The following TSHZ2 variants were observed in gnomAD, a reference collection of about 807,000 sequenced individuals.
TSHZ2 encodes the protein teashirt homolog 2.
TSHZ2 carries 21 observed loss-of-function variants against 74.4 expected under a neutral mutation model. That is an observed-to-expected ratio of 0.28 (90% CI 0.20 to 0.41). The LOEUF (loss-of-function observed/expected upper bound fraction) is 0.41. TSHZ2 is among the 10% of genes least tolerant of loss of function. The pLI is 1.00. For synonymous variants in TSHZ2, 540 were observed against 515.3 expected, an observed-to-expected ratio of 1.05 and a Z score of -0.65; for missense variants, 1,244 against 1,293.5, an observed-to-expected ratio of 0.96 and a Z score of 0.59.
intron 2 of TSHZ2, among the ~76,000 whole-genome samples, chr20:53,420,340 A>G (rs959435102): frequency 2.0e-5 from 3 of 152,212 alleles, no homozygotes; most frequent in Non-Finnish European, 4.4e-5. Context: ...AGAGGAAAAC[A>G]GCAAAAGCAA....
rs1417791833 is a variant in TSHZ2 at position 53,255,911 on chromosome 20, C to G, written c.2453C>G (p.Pro818Arg). 6 of 1,614,148 alleles carry G rather than the reference C, an allele frequency of 3.7e-6. No individual in the cohort carries two copies. The East Asian group carries it at 1.1e-4, about 30-fold the overall frequency. Residue 818 changes from proline (P) to arginine (R), a missense_variant, in exon 2 of 3, where the codon CCC becomes CGC. Around this residue, in one of 6 missense-constraint regions of TSHZ2, gnomAD observed 562 missense variants for 544.0 expected, o/e 1.03. Transcript: ENST00000371497. This position sits in a 1 kb window ranked among gnomAD's most constrained non-coding sequence, Gnocchi z 4.1. ...CCAGCCTCCTCCTCCAGGGTCCCCCCCATGAAGCTGGAAATGGATGTCAGG... is the reference window on the plus strand; with the variant it reads ...CCAGCCTCCTCCTCCAGGGTCCCCCGCATGAAGCTGGAAATGGATGTCAGG... ...PKPASSSRVPPMKLEMDVRRF... is the reference protein window; with the variant it reads ...PKPASSSRVPRMKLEMDVRRF...
chr20:53,193,189 A>AG (rs2032721322), intron 1 of TSHZ2, among the ~76,000 whole-genome samples: 1 of 7,924 alleles, frequency 1.3e-4, no homozygotes, highest in African/African-American at 5.1e-4. Flanking sequence ...AAGAAAAAAG[A>AG]AAAAAAAAAC....
At chr20:53,109,189 G>A (rs753251224) in intron 1 of TSHZ2, among the ~76,000 whole-genome samples, 7 of 152,098 alleles carry the variant, frequency 4.6e-5, no homozygotes, top group Non-Finnish European at 8.8e-5. Context: ...ATTTTAAAAT[G>A]AGCTTAAATA....
At chr20:53,372,529 G>A (rs1437818062) in intron 2 of TSHZ2, among the ~76,000 whole-genome samples, 1 of 151,890 alleles carries the variant, frequency 6.6e-6, no homozygotes, top group African/African-American at 2.4e-5. Context: ...GGAAGGGAGG[G>A]AGGAAGGGAA....
At chr20:53,159,011 C>T (rs192640845) in intron 1 of TSHZ2, among the ~76,000 whole-genome samples, 175 of 152,268 alleles carry the variant, frequency 1.1e-3, no homozygotes, top group Middle Eastern at 3.4e-3. Flanking sequence ...GCAGAACTGA[C>T]GACAGATAGA....
At position 53,490,088 on chromosome 20, in the gene TSHZ2, CGA is replaced by C. The variant is rs1331461985; in HGVS notation, c.*2958_*2959del. Reference sequence around the variant, plus strand: ...CACCACCTCTTGGTACCAGTGAGAGCGAGAGATTGCCTTTTCTTCCCCATCCC... The same window carrying C: ...CACCACCTCTTGGTACCAGTGAGAGCGAGATTGCCTTTTCTTCCCCATCCC... On this transcript the variant is annotated 3_prime_UTR_variant, in exon 3 of 3. Coordinates refer to ENST00000371497, the MANE Select transcript of TSHZ2 (RefSeq NM_173485.6). The C allele has an allele frequency of 1.3e-5, 2 of 152,130 alleles. No individual in the cohort carries two copies. The highest frequency in any genetic ancestry group is 4.8e-5 in the African/African-American group (2 of 41,412). 9.4% of individuals were successfully genotyped at this position (152,130 alleles called of 1,614,324 possible). A position where few individuals can be genotyped will look rare whatever the true frequency, so the allele number is the denominator to read the frequency against.
intron 1 of TSHZ2, among the ~76,000 whole-genome samples, chr20:53,053,872 A>G (rs1984558995): frequency 6.6e-6 from 1 of 152,176 alleles, no homozygotes; most frequent in Non-Finnish European, 1.5e-5. Flanking sequence ...CATTTGTCCC[A>G]TGTTGTCCAT....
intron 1 of TSHZ2, among the ~76,000 whole-genome samples, chr20:52,975,863 G>A (rs1437656404): frequency 6.6e-6 from 1 of 152,130 alleles, no homozygotes; most frequent in Non-Finnish European, 1.5e-5. Flanking sequence ...TCCAGGGAAG[G>A]GGAGAAGGTG....
At chr20:53,161,130 CAAAAAAA>C (rs368626161) in intron 1 of TSHZ2, among the ~76,000 whole-genome samples, 44 of 67,970 alleles carry the variant, frequency 6.5e-4, no homozygotes, top group African/African-American at 1.0e-3. Flanking sequence ...TTATTTTCAG[CAAAAAAA>C]AAAAAAAAAA....
At chr20:53,096,127 T>C (rs1225334394) in intron 1 of TSHZ2, among the ~76,000 whole-genome samples, 2 of 152,068 alleles carry the variant, frequency 1.3e-5, no homozygotes, top group African/African-American at 4.8e-5. Context: ...CACCTCTGTG[T>C]TTTTTGTTTG....
chr20:53,399,191 C>T (rs1289687756), intron 2 of TSHZ2: 1 of 152,064 alleles, frequency 6.6e-6, no homozygotes, highest in African/African-American at 2.4e-5. Flanking sequence ...GAACAGAGTC[C>T]CTGCTAACAG....
chr20:53,374,754 G>C (rs1004123896), intron 2 of TSHZ2, among the ~76,000 whole-genome samples: 3 of 152,008 alleles, frequency 2.0e-5, no homozygotes, highest in Admixed American at 2.0e-4. Context: ...GTGATGTTGA[G>C]CATTTTCTCA....
Position 53,492,667 on chromosome 20 carries a change from A to C in TSHZ2, c.*5532A>C, listed in dbSNP as rs1263931053. 1 of 152,222 alleles carries C rather than the reference A, an allele frequency of 6.6e-6. No individual in the cohort carries two copies. The highest frequency in any genetic ancestry group is 2.4e-5 in the African/African-American group (1 of 41,450). The allele number at this position is 152,222 out of a possible 1,614,324, so 9.4% of individuals were successfully genotyped here. A position where few individuals can be genotyped will look rare whatever the true frequency, so the allele number is the denominator to read the frequency against. Reference sequence around the variant, plus strand: ...AGCTAGGTGATCATACAGTCATTTCAATGGCCAACCAGTTCTTGCTCTACA... The same window carrying C: ...AGCTAGGTGATCATACAGTCATTTCCATGGCCAACCAGTTCTTGCTCTACA... On this transcript the variant is annotated 3_prime_UTR_variant, in exon 3 of 3. Coordinates refer to ENST00000371497, the MANE Select transcript of TSHZ2 (RefSeq NM_173485.6).
intron 1 of TSHZ2, among the ~76,000 whole-genome samples, chr20:53,133,231 T>C (rs1987155011): frequency 1.3e-5 from 2 of 152,206 alleles, no homozygotes; most frequent in Admixed American, 1.3e-4. Context: ...TTCTACATGA[T>C]CCCCATTTGT....
intron 1 of TSHZ2, among the ~76,000 whole-genome samples, chr20:53,156,047 G>A (rs1987786303): frequency 6.6e-6 from 1 of 152,088 alleles, no homozygotes; most frequent in Non-Finnish European, 1.5e-5. Context: ...TTTCTCCTGG[G>A]AACAAGGGGC....
chr20:52,991,334 G>C (rs113403587), intron 1 of TSHZ2, among the ~76,000 whole-genome samples: 2 of 141,552 alleles, frequency 1.4e-5, no homozygotes, highest in African/African-American at 5.5e-5. Context: ...TGTGGGGGGA[G>C]AGAGTGTGAA....
chr20:53,163,360 CTTTTTTT>C (rs55685519), intron 1 of TSHZ2, among the ~76,000 whole-genome samples: 74 of 65,638 alleles, frequency 1.1e-3, no homozygotes, highest in African/African-American at 4.0e-3. Context: ...CTCTCTGTCT[CTTTTTTT>C]TTTTTTTTTT....
At chr20:53,412,449 C>A (rs1383327255) in intron 2 of TSHZ2, 3 of 152,212 alleles carry the variant, frequency 2.0e-5, no homozygotes, top group African/African-American at 7.2e-5. Context: ...CGCTTTTAAC[C>A]ATTTTTAAGT....
Position 53,486,985 on chromosome 20 carries a change from T to G in TSHZ2, c.*9-159T>G, listed in dbSNP as rs1986305339. ...TTTTCTCAAAGTTGACTCCTCCTTT[T>G]CATGTTTCACAGTCTGGTTATATAA... is the stretch of plus-strand genomic sequence containing the variant. On this transcript the variant is annotated intron_variant, in intron 2 of 2. Coordinates refer to ENST00000371497, the MANE Select transcript of TSHZ2 (RefSeq NM_173485.6). Among the ~76,000 whole-genome samples, 6 of 152,306 alleles carry G rather than the reference T, an allele frequency of 3.9e-5. No individual in the cohort carries two copies. In the South Asian group the frequency reaches 1.2e-3, roughly 32 times the overall value.
Sources: gnomAD v4.1 joint callset for allele counts (sites outside exome capture counted in the v4.1 genomes callset) on GRCh38, gnomAD v4.1.1 for gene constraint, gnomAD v4.1.1 regional missense constraint, Gnocchi (gnomAD v3.1) non-coding constraint, MANE v1.5 for transcripts, NCBI Gene and HGNC (gene_info 2026-07-23, HGNC 2026-07-21) for gene names.